Variants in C11orf65 observed in about 807,000 individuals in gnomAD.
The protein encoded by C11orf65 is chromosome 11 open reading frame 65, also known as protein MFI.
Under a neutral mutation model 35.3 loss-of-function variants are expected in C11orf65, and 38 were observed. The ratio of observed to expected loss-of-function variants is 1.08; its 90% CI spans 0.83 to 1.41. The LOEUF (loss-of-function observed/expected upper bound fraction) is 1.41, where lower values mean the gene tolerates loss of function less well. C11orf65 is among the 40% of genes most tolerant of loss of function. C11orf65 has a pLI of 0.00. For synonymous variants in C11orf65, 105 were observed against 114.4 expected, an observed-to-expected ratio of 0.92 and a Z score of 0.53; for missense variants, 370 against 367.1, an observed-to-expected ratio of 1.01 and a Z score of -0.06.
chr11:108,308,754 T>TA (rs1346418095), exon 7 of C11orf65: 6 of 428,838 alleles, frequency 1.4e-5, no homozygotes, highest in Non-Finnish European at 2.5e-5. Context: ...ATTAATATCT[T>TA]AAAAAATTAA....
chr11:108,404,718 C>T (rs1486358954), intron 6 of C11orf65, among the ~76,000 whole-genome samples: 2 of 152,102 alleles, frequency 1.3e-5, no homozygotes, highest in South Asian at 2.1e-4. Flanking sequence ...CGTGAGCCAC[C>T]GCGCCCGGCC....
intron 3 of C11orf65, among the ~76,000 whole-genome samples, chr11:108,418,655 C>A (rs886723941): frequency 1.3e-5 from 2 of 151,640 alleles, no homozygotes; most frequent in Non-Finnish European, 2.9e-5. Context: ...TAATAAACAG[C>A]AGAAAATGAT....
intron 2 of C11orf65, among the ~76,000 whole-genome samples, chr11:108,360,250 A>G (rs1233182716): frequency 1.7e-4 from 21 of 127,066 alleles, no homozygotes; most frequent in African/African-American, 1.9e-4. Flanking sequence ...AACCAGGAAG[A>G]AGTTGAATCT....
chr11:108,351,679 G>T (rs1462379144), intron 2 of C11orf65, among the ~76,000 whole-genome samples: 4 of 152,112 alleles, frequency 2.6e-5, no homozygotes, highest in African/African-American at 9.7e-5. Context: ...GGGCTCCAAG[G>T]GGAAGGAAGT....
chr11:108,451,883 C>G (rs1374782847), intron 2 of C11orf65, among the ~76,000 whole-genome samples: 2 of 152,094 alleles, frequency 1.3e-5, no homozygotes, highest in Admixed American at 1.3e-4. Context: ...TTTGACAAAC[C>G]TGAGAAAAAC....
intron 3 of C11orf65, among the ~76,000 whole-genome samples, chr11:108,430,895 G>A (rs2092978932): frequency 1.1e-5 from 1 of 87,276 alleles, no homozygotes. Flanking sequence ...ATAAGGATAG[G>A]GAACACACAC....
chr11:108,318,000 G>A (rs1425688199), intron 6 of C11orf65, among the ~76,000 whole-genome samples: 10 of 152,082 alleles, frequency 6.6e-5, no homozygotes, highest in African/African-American at 2.4e-4. Context: ...CAGTAAGATA[G>A]CACTTATATT....
rs941397950 is a variant in C11orf65 at position 108,343,139 on chromosome 11, G to C, written c.227-7847C>G. ...AATACAACTTGAAAAAAAATGCTTT[G>C]CACTGACTCTGATAGCTGAATGATC... On this transcript the variant is annotated intron_variant, in intron 2 of 3. Transcript: ENST00000524755. The C allele has an allele frequency of 1.1e-5, 17 of 1,546,810 alleles. No homozygotes were observed. The African/African-American group carries it at 1.8e-4, about 16-fold the overall frequency.
rs768737262 is a variant in C11orf65 at position 108,315,920 on chromosome 11, C to A, written c.641-6849G>T. ...TTACAACCCATTACTAGGTAAATTG[C>A]ATTTTTCTAAACAACGGTATAGTAA... On this transcript the variant is annotated intron_variant, in intron 6 of 6. Coordinates refer to the C11orf65 transcript ENST00000525729. The A allele has an allele frequency of 1.2e-6, 2 of 1,609,402 alleles. No homozygotes were observed. The highest frequency in any genetic ancestry group is 2.7e-5 in the African/African-American group (2 of 74,788).
chr11:108,447,334 T>TC (rs2093278090), intron 2 of C11orf65, among the ~76,000 whole-genome samples: 1 of 152,146 alleles, frequency 6.6e-6, no homozygotes, highest in African/African-American at 2.4e-5. Context: ...ATATACATTT[T>TC]TTTTTAGCAC....
chr11:108,435,931 G>GGTTGCTAA (rs2135461213), intron 2 of C11orf65, among the ~76,000 whole-genome samples: 1 of 152,164 alleles, frequency 6.6e-6, no homozygotes, highest in Non-Finnish European at 1.5e-5. Context: ...TTGGAACTAA[G>GGTTGCTAA]GTTGCTAATC....
intron 3 of C11orf65, among the ~76,000 whole-genome samples, chr11:108,421,468 C>A (rs1565674456): frequency 6.6e-6 from 1 of 152,040 alleles, no homozygotes; most frequent in Non-Finnish European, 1.5e-5. Context: ...CCAGCCTGAC[C>A]AACATGGTGA....
rs1423254169 is a variant in C11orf65 at position 108,446,764 on chromosome 11, C to T, written c.81+14715G>A. Among the ~76,000 whole-genome samples the T allele has an allele frequency of 1.6e-4, 25 of 152,108 alleles. No individual in the cohort carries two copies. The East Asian group carries it at 2.5e-3, about 15-fold the overall frequency. ...ACCAGCTAACATCATAATGACAGGACCAAATTTACACATAACAATATTAAC... is the reference window on the plus strand; with the variant it reads ...ACCAGCTAACATCATAATGACAGGATCAAATTTACACATAACAATATTAAC... On this transcript the variant is annotated intron_variant, in intron 2 of 8. Coordinates refer to ENST00000393084, the MANE Select transcript of C11orf65 (RefSeq NM_152587.5).
intron 6 of C11orf65, among the ~76,000 whole-genome samples, chr11:108,396,686 T>C (rs566233693): frequency 2.5e-4 from 38 of 151,300 alleles, no homozygotes; most frequent in African/African-American, 8.7e-4. Flanking sequence ...AAAAAAAAAT[T>C]AGCTGGGCGT....
chr11:108,358,661 A>T (rs1425300757), intron 2 of C11orf65, among the ~76,000 whole-genome samples: 1 of 147,148 alleles, frequency 6.8e-6, no homozygotes, highest in East Asian at 2.0e-4. Context: ...AAAGAAAAGA[A>T]TTTTCAACCC....
upstream of C11orf65, among the ~76,000 whole-genome samples, chr11:108,468,971 A>G (rs2093561926): frequency 6.6e-6 from 1 of 152,084 alleles, no homozygotes; most frequent in African/African-American, 2.4e-5. Context: ...CAGCCTCCCA[A>G]GTAGCTGGGA....
intron 7 of C11orf65, among the ~76,000 whole-genome samples, chr11:108,387,724 C>T (rs913531848): frequency 1.2e-4 from 19 of 152,002 alleles, no homozygotes; most frequent in African/African-American, 3.9e-4. Context: ...GATGGGGTCT[C>T]GGTATTTTGC....
chr11:108,348,469 G>A (rs1041009022), intron 2 of C11orf65, among the ~76,000 whole-genome samples: 4 of 150,328 alleles, frequency 2.7e-5, no homozygotes, highest in Non-Finnish European at 5.9e-5. Flanking sequence ...AATATATCAA[G>A]TTTTGTAAAT....
chr11:108,464,903 G>A (rs772738380), intron 1 of C11orf65, among the ~76,000 whole-genome samples: 5 of 151,376 alleles, frequency 3.3e-5, no homozygotes, highest in Non-Finnish European at 7.4e-5. Context: ...CTGCCAAACT[G>A]TCCTCAAAAA....
Sources: gnomAD v4.1 joint callset for allele counts (sites outside exome capture counted in the v4.1 genomes callset) on GRCh38, gnomAD v4.1.1 for gene constraint, MANE v1.5 for transcripts, NCBI Gene and HGNC (gene_info 2026-07-23, HGNC 2026-07-21) for gene names.